The following GTF2H1 variants were observed in gnomAD, a reference collection of about 807,000 sequenced individuals.
GTF2H1 encodes general transcription factor IIH subunit 1, also known as BTF2 p62.
GTF2H1 carries 16 observed loss-of-function variants against 71.2 expected under a neutral mutation model. That is an observed-to-expected ratio of 0.22 (90% CI 0.15 to 0.34). GTF2H1 has a LOEUF of 0.34. GTF2H1 is among the 10% of genes least tolerant of loss of function. The pLI, the probability that GTF2H1 is intolerant of heterozygous loss-of-function variation, is 1.00. For missense variants in GTF2H1, 498 were observed against 648.2 expected, an observed-to-expected ratio of 0.77 and a Z score of 2.52; for synonymous variants, 215 against 219.0, an observed-to-expected ratio of 0.98 and a Z score of 0.16.
chr11:18,360,606 C>CT lies in GTF2H1; in HGVS notation c.1468-3dup. The CT allele has an allele frequency of 1.5e-6, 2 of 1,362,164 alleles. No individual in the cohort carries two copies. The highest frequency in any genetic ancestry group is 2.3e-5 in the Admixed American group (1 of 43,726). 84.4% of individuals were successfully genotyped at this position (1,362,164 alleles called of 1,614,324 possible). A position where few individuals can be genotyped will look rare whatever the true frequency, so the allele number is the denominator to read the frequency against. Reference sequence around the variant, plus strand: ...TTCTCTGTAATTTATTGTTTCTCATCTTTTTTAGGTAGTGAAAATGAAAAG... The same window carrying CT: ...TTCTCTGTAATTTATTGTTTCTCATCTTTTTTTAGGTAGTGAAAATGAAAAG... On this transcript the variant is annotated splice_polypyrimidine_tract_variant and intron_variant, in intron 13 of 14. Transcript: ENST00000265963.
chr11:18,357,362 T>C (rs1410976919), intron 11 of GTF2H1, among the ~76,000 whole-genome samples: 1 of 152,192 alleles, frequency 6.6e-6, no homozygotes, highest in Non-Finnish European at 1.5e-5. Flanking sequence ...GAAAATTAAA[T>C]GACAGTTAAT....
In GTF2H1 at chr11:18,347,896, T is replaced by C. The variant is rs944292192; in HGVS notation, c.1030T>C (p.Cys344Arg). The change falls in exon 9 of 15, where the codon TGC (cysteine) becomes CGC (arginine). Residue 344 changes from cysteine to arginine, a missense_variant. Physicochemically the swap from Cys to Arg is radical, Grantham distance 180. Transcript: ENST00000265963. ...GGATGGAAATTCCGGAGATGCAGAC[T>C]GCTTTCAGCCAGCAGTCAAAAGGGT... ...NMDGNSGDAD[C>R]FQPAVKRAKL... The C allele has an allele frequency of 2.5e-6, 4 of 1,613,548 alleles. No homozygotes were observed. The African/African-American group carries it at 4.0e-5, about 16-fold the overall frequency.
intron 1 of GTF2H1, among the ~76,000 whole-genome samples, chr11:18,327,467 C>G (rs1864793585): frequency 6.6e-6 from 1 of 152,174 alleles, no homozygotes; most frequent in South Asian, 2.1e-4. Context: ...TTAAGAAAGC[C>G]TCTTGATTTC....
At position 18,333,124 on chromosome 11, in the gene GTF2H1, A is replaced by C; in HGVS notation, c.50A>C (p.Gln17Pro). 6.2e-7 allele frequency: 1 copy of C among 1,613,118 alleles called. No homozygotes were observed. ...EVLLIVKKVRQKKQDGALYLM... is the reference protein window; with the variant it reads ...EVLLIVKKVRPKKQDGALYLM... ...TTGCTGATTGTAAAGAAAGTGCGTC[A>C]AAAGAAGCAGGATGGAGCTCTGTAC... The change falls in exon 2 of 15, where the codon CAA (glutamine) becomes CCA (proline). Residue 17 changes from glutamine (Q) to proline (P), a missense_variant. Physicochemically the swap from Gln to Pro is moderately conservative, Grantham distance 76. Around this residue, in one of 3 missense-constraint regions of GTF2H1, gnomAD observed 216 missense variants for 306.2 expected, o/e 0.71. Transcript: ENST00000265963.
Position 18,336,921 on chromosome 11 carries a change from A to G in GTF2H1, c.347+975A>G, listed in dbSNP as rs116563862. The stretch of plus-strand genomic sequence containing the variant: ...AGGCACACGCCACCACACTTGGCCA[A>G]TTTTTCTATTTTTAATACAGGGTTT... On this transcript the variant is annotated intron_variant, in intron 3 of 14. Coordinates refer to ENST00000265963, the MANE Select transcript of GTF2H1 (RefSeq NM_005316.4). 8.6e-3 allele frequency among the ~76,000 whole-genome samples: 1,310 copies of G among 151,640 alleles called. 23 individuals are homozygous for G. Among genetic ancestry groups the G allele is most frequent in the African/African-American group, 0.029 (1,182 of 41,300 alleles).
intron 1 of GTF2H1, among the ~76,000 whole-genome samples, chr11:18,326,800 AAAT>A (rs1864778555): frequency 6.6e-6 from 1 of 152,172 alleles, no homozygotes; most frequent in Admixed American, 6.5e-5. Context: ...AACATACTTA[AAAT>A]TATTTGCCAA....
chr11:18,351,154 A>G (rs971699718), intron 9 of GTF2H1, among the ~76,000 whole-genome samples: 1 of 152,148 alleles, frequency 6.6e-6, no homozygotes, highest in Non-Finnish European at 1.5e-5. Context: ...GAAGCTGAGC[A>G]TGGTAGCATG....
chr11:18,333,476 A>G (rs968632033), intron 2 of GTF2H1: 2 of 285,654 alleles, frequency 7.0e-6, no homozygotes, highest in Non-Finnish European at 1.3e-5. Flanking sequence ...TAAGAGTTGC[A>G]TAATACTCCA....
At chr11:18,336,611 G>A (rs762111778) in intron 3 of GTF2H1, among the ~76,000 whole-genome samples, 3 of 152,122 alleles carry the variant, frequency 2.0e-5, no homozygotes, top group Non-Finnish European at 4.4e-5. Context: ...GAGCAGAACC[G>A]GGATTGGAAG....
In GTF2H1 at chr11:18,335,772, A is replaced by G; in HGVS notation, c.173A>G (p.Glu58Gly). Residue 58 changes from glutamate to glycine, a missense_variant, in exon 3 of 15, where the codon GAA (glutamate) becomes GGA (glycine). By Grantham distance (98) the Glu-to-Gly change is moderately conservative. Around this residue, in one of 3 missense-constraint regions of GTF2H1, gnomAD observed 216 missense variants for 306.2 expected, o/e 0.71. Transcript: ENST00000265963. Reference protein sequence around the residue: ...ADIKCQKISPEGKAKIQLQLV... With the variant: ...ADIKCQKISPGGKAKIQLQLV... ...TTTTTAGGCCAGAAAATTAGTCCAG[A>G]AGGAAAAGCTAAAATTCAGCTTCAG... 5 of 1,613,794 alleles carry G rather than the reference A, an allele frequency of 3.1e-6. No homozygotes were observed. Among genetic ancestry groups the G allele is most frequent in the Non-Finnish European group, 4.2e-6 (5 of 1,179,834 alleles).
At chr11:18,356,687 C>T (rs1213227559) in intron 11 of GTF2H1, among the ~76,000 whole-genome samples, 2 of 151,758 alleles carry the variant, frequency 1.3e-5, no homozygotes, top group African/African-American at 4.8e-5. Flanking sequence ...TGGGCTCAGG[C>T]GATGCTCCCA....
intron 9 of GTF2H1, chr11:18,351,585 T>C (rs905101858): frequency 1.9e-5 from 4 of 209,534 alleles, no homozygotes; most frequent in Non-Finnish European, 3.9e-5. Context: ...GTGGAGAGCA[T>C]AACAGATCAT....
chr11:18,343,931 T>C (rs1289569638), intron 7 of GTF2H1, among the ~76,000 whole-genome samples: 1 of 152,138 alleles, frequency 6.6e-6, no homozygotes, highest in Admixed American at 6.5e-5. Flanking sequence ...CCTCTTGGGC[T>C]CAAGCAATCT....
At chr11:18,345,589 CCCGAGTTCAAG>C (rs1467222488) in intron 7 of GTF2H1, among the ~76,000 whole-genome samples, 7 of 151,082 alleles carry the variant, frequency 4.6e-5, no homozygotes, top group African/African-American at 1.7e-4. Flanking sequence ...ATCTCTGCCT[CCCGAGTTCAAG>C]CACTTCTCCT....
chr11:18,358,227 C>G, intron 12 of GTF2H1, 185 bp downstream of exon 12: 1 of 607,268 alleles, frequency 1.6e-6, no homozygotes, highest in South Asian at 2.1e-5. Flanking sequence ...TCAGAACCGT[C>G]TTACTATTAC....
intron 11 of GTF2H1, among the ~76,000 whole-genome samples, chr11:18,355,475 A>G (rs1865523035): frequency 7.0e-6 from 1 of 142,640 alleles, no homozygotes; most frequent in East Asian, 2.1e-4. Flanking sequence ...GTACAACTTA[A>G]CATACAGTAA....
chr11:18,357,119 A>G (rs1865572848), intron 11 of GTF2H1, among the ~76,000 whole-genome samples: 1 of 152,240 alleles, frequency 6.6e-6, no homozygotes, highest in East Asian at 1.9e-4. Flanking sequence ...CATCCAATCT[A>G]TACATGGATG....
rs543421823 is a variant in GTF2H1, at chr11:18,341,761, G to A, written c.837+154G>A. The A allele has an allele frequency of 7.5e-4, 398 of 527,994 alleles. 6 individuals are homozygous for A. The South Asian group carries it at 8.7e-3, about 11-fold the overall frequency. 32.7% of individuals were successfully genotyped at this position (527,994 alleles called of 1,614,324 possible). On this transcript the variant is annotated intron_variant, in intron 7 of 14. Coordinates refer to ENST00000265963, the MANE Select transcript of GTF2H1 (RefSeq NM_005316.4). Reference sequence around the variant, plus strand: ...TTTATCGGAAGTGCTTTGAAATAGCGTTGTTTGCCATTAAAATTGCCTAGA... The same window carrying A: ...TTTATCGGAAGTGCTTTGAAATAGCATTGTTTGCCATTAAAATTGCCTAGA...
At position 18,335,950 on chromosome 11, in the gene GTF2H1, G is replaced by A. The variant is rs1433083305; in HGVS notation, c.347+4G>A. On this transcript the variant is annotated splice_donor_region_variant and intron_variant, in intron 3 of 14. Transcript: ENST00000265963. ...AAGAACTGGAAGAGAAGAACAGGTG[G>A]GAGGAAAAGAATAGCCTTTTGAAAG... 1.2e-6 allele frequency: 2 copies of A among 1,610,698 alleles called. No individual in the cohort carries two copies. Among genetic ancestry groups the A allele is most frequent in the African/African-American group, 2.7e-5 (2 of 74,720 alleles).
Sources: gnomAD v4.1 joint callset for allele counts (sites outside exome capture counted in the v4.1 genomes callset) on GRCh38, gnomAD v4.1.1 for gene constraint, gnomAD v4.1.1 regional missense constraint, MANE v1.5 for transcripts, NCBI Gene and HGNC (gene_info 2026-07-23, HGNC 2026-07-21) for gene names.